Variants in ZNF44 observed in about 807,000 individuals in gnomAD.
ZNF44 encodes the protein zinc finger protein 44.
A neutral mutation model predicts 11.7 loss-of-function variants in ZNF44; 9 were observed. That is an observed-to-expected ratio of 0.77 (90% CI 0.46 to 1.35). ZNF44 has a LOEUF of 1.35. ZNF44 is among the 40% of genes most tolerant of loss of function. ZNF44 has a pLI of 0.00. For synonymous variants in ZNF44, 224 were observed against 242.7 expected, an observed-to-expected ratio of 0.92 and a Z score of 0.72; for missense variants, 696 against 743.1, an observed-to-expected ratio of 0.94 and a Z score of 0.74.
At chr19:12,247,859 A>G (rs1916819670) in exon 8 of ZNF44, 2 of 1,308,188 alleles carry the variant, frequency 1.5e-6, no homozygotes, top group Non-Finnish European at 2.0e-6. Flanking sequence ...GTTTACATTC[A>G]TAGTGTTTCT....
downstream of ZNF44, among the ~76,000 whole-genome samples, chr19:12,243,771 T>C (rs1234641116): frequency 6.6e-6 from 1 of 152,132 alleles, no homozygotes; most frequent in African/African-American, 2.4e-5. Context: ...GCTGTACCAA[T>C]GTACATTCCC....
intron 1 of ZNF44, among the ~76,000 whole-genome samples, chr19:12,284,120 G>A (rs1413085861): frequency 6.6e-6 from 1 of 152,138 alleles, no homozygotes; most frequent in Non-Finnish European, 1.5e-5. Context: ...AAAACAAAAA[G>A]AGAGAAACAA....
At chr19:12,266,392 G>A (rs1261757081) in intron 5 of ZNF44, 5 of 962,774 alleles carry the variant, frequency 5.2e-6, no homozygotes, top group African/African-American at 1.8e-5. Context: ...GAAGCCGAGA[G>A]CGACCCGAGG....
intron 1 of ZNF44, among the ~76,000 whole-genome samples, chr19:12,277,765 A>G (rs1967296261): frequency 6.6e-6 from 1 of 152,194 alleles, no homozygotes. Context: ...TACAGATCAC[A>G]TTTTGTTTCC....
downstream of ZNF44, among the ~76,000 whole-genome samples, chr19:12,243,755 A>AC: frequency 6.6e-6 from 1 of 152,114 alleles, no homozygotes; most frequent in Non-Finnish European, 1.5e-5. Flanking sequence ...ATTGTTTTTC[A>AC]CAATGGCTGT....
chr19:12,287,941 G>A (rs925017048), intron 1 of ZNF44, among the ~76,000 whole-genome samples: 2 of 152,202 alleles, frequency 1.3e-5, no homozygotes, highest in Non-Finnish European at 2.9e-5. Flanking sequence ...AACCTATAAT[G>A]AGTAACAATG....
At chr19:12,242,634 T>C (rs577582994) in intron 6 of ZNF44, 3 of 122,902 alleles carry the variant, frequency 2.4e-5, no homozygotes, top group South Asian at 2.5e-4. Flanking sequence ...CTGGGCAATA[T>C]AGTAAGACCT....
chr19:12,225,365 C>T (rs1915870957), downstream of ZNF44: 1 of 152,202 alleles, frequency 6.6e-6, no homozygotes, highest in Non-Finnish European at 1.5e-5. Flanking sequence ...TGGGATGACC[C>T]ATGCTATCTA....
chr19:12,258,238 CAGG>C (rs927808671), intron 5 of ZNF44, among the ~76,000 whole-genome samples: 6 of 138,946 alleles, frequency 4.3e-5, no homozygotes, highest in African/African-American at 1.6e-4. Context: ...GAAGCTGATG[CAGG>C]AGGATGCTTC....
At chr19:12,242,271 G>A (rs1916643250), upstream of ZNF44, among the ~76,000 whole-genome samples, 1 of 152,132 alleles carries the variant, frequency 6.6e-6, no homozygotes, top group Admixed American at 6.6e-5. Flanking sequence ...ACTTTGGGAG[G>A]CCGAGGTGGG....
chr19:12,282,775 T>A (rs1174191240), intron 1 of ZNF44, among the ~76,000 whole-genome samples: 1 of 152,154 alleles, frequency 6.6e-6, no homozygotes, highest in African/African-American at 2.4e-5. Context: ...AAGGATCTTA[T>A]CATGAGTCCC....
At position 12,280,332 on chromosome 19, in the gene ZNF44, C is replaced by T. The variant is rs113636927; in HGVS notation, c.4-4250G>A. 5.2e-3 allele frequency among the ~76,000 whole-genome samples: 791 copies of T among 152,210 alleles called. 3 individuals carry two copies. The highest frequency in any genetic ancestry group is 0.014 in the African/African-American group (581 of 41,530). Reference sequence around the variant, plus strand: ...GGAGGAAGAACAGTCTATCACACTTCGGAACTGTCTATTATACCAGCACTA... The same window carrying T: ...GGAGGAAGAACAGTCTATCACACTTTGGAACTGTCTATTATACCAGCACTA... On this transcript the variant is annotated intron_variant, in intron 1 of 3. Coordinates refer to ENST00000355684, the MANE Select transcript of ZNF44 (RefSeq NM_016264.4).
chr19:12,249,507 GAAA>G (rs958860050), intron 7 of ZNF44, among the ~76,000 whole-genome samples: 2 of 60,758 alleles, frequency 3.3e-5, no homozygotes, highest in Non-Finnish European at 3.2e-5. Context: ...CTCCGTCTCA[GAAA>G]AAAAAAAAAA....
chr19:12,260,497 T>C (rs1297752038), intron 5 of ZNF44: 3 of 1,286,676 alleles, frequency 2.3e-6, no homozygotes, highest in Non-Finnish European at 3.3e-6. Context: ...AAGCCTGTGA[T>C]GGTGAAGCGG....
chr19:12,269,475 T>C (rs1032957216), downstream of ZNF44, among the ~76,000 whole-genome samples: 5 of 152,072 alleles, frequency 3.3e-5, no homozygotes, highest in Admixed American at 3.3e-4. Flanking sequence ...TGAGCCGAGA[T>C]AGCACCATTG....
intron 5 of ZNF44, chr19:12,250,751 G>A (rs775452922): frequency 1.5e-5 from 7 of 456,218 alleles, no homozygotes; most frequent in South Asian, 6.2e-5. Flanking sequence ...TGGATAATAC[G>A]TGGATGAATA....
exon 2 of ZNF44, chr19:12,234,742 A>T (rs1170218376): frequency 6.6e-6 from 1 of 152,206 alleles, no homozygotes; most frequent in Non-Finnish European, 1.5e-5. Context: ...AGCAAAGCCT[A>T]CTCCTTCTGG....
At chr19:12,230,445 G>C (rs902824855) in intron 3 of ZNF44, 3 of 152,308 alleles carry the variant, frequency 2.0e-5, no homozygotes, top group African/African-American at 7.2e-5. Flanking sequence ...AAAGCCAGGG[G>C]AGGGCAGATC....
intron 3 of ZNF44, among the ~76,000 whole-genome samples, chr19:12,226,792 C>T (rs775927037): frequency 3.3e-5 from 5 of 152,112 alleles, no homozygotes; most frequent in Admixed American, 6.5e-5. Context: ...CCAGGCTGGG[C>T]GTGGTGGGTC....
Sources: gnomAD v4.1 joint callset for allele counts (sites outside exome capture counted in the v4.1 genomes callset) on GRCh38, gnomAD v4.1.1 for gene constraint, MANE v1.5 for transcripts, NCBI Gene and HGNC (gene_info 2026-07-23, HGNC 2026-07-21) for gene names.